ANK3: variants seen among roughly 807,000 people sequenced by gnomAD.
ANK3 encodes the protein ankyrin 3.
Under a neutral mutation model 370.9 loss-of-function variants are expected in ANK3, and 57 were observed. That is an observed-to-expected ratio of 0.15 (90% CI 0.12 to 0.19). The LOEUF (loss-of-function observed/expected upper bound fraction) is 0.19. Among genes scored for constraint, ANK3 ranks in the 10% least tolerant of loss-of-function variants. ANK3 has a pLI of 1.00. For missense variants in ANK3, 4,439 were observed against 5,302.1 expected, an observed-to-expected ratio of 0.84 and a Z score of 5.06; for synonymous variants, 1,929 against 1,946.3, an observed-to-expected ratio of 0.99 and a Z score of 0.23.
chr10:60,192,935 G>A (rs1358969644), intron 16 of ANK3, among the ~76,000 whole-genome samples: 2 of 151,384 alleles, frequency 1.3e-5, no homozygotes, highest in Non-Finnish European at 2.9e-5. Flanking sequence ...GAAAATGGAG[G>A]CTCATCAATT....
intron 2 of ANK3, among the ~76,000 whole-genome samples, chr10:60,425,990 G>A (rs2063878165): frequency 6.6e-6 from 1 of 152,020 alleles, no homozygotes; most frequent in Admixed American, 6.6e-5. Context: ...TTATATCTCA[G>A]GTTTGGAAAG....
chr10:60,153,927 C>G (rs2095243235), intron 23 of ANK3, among the ~76,000 whole-genome samples: 1 of 152,142 alleles, frequency 6.6e-6, no homozygotes, highest in Admixed American at 6.5e-5. Flanking sequence ...ATCTCAGAAA[C>G]CTGCTAAACT....
intron 2 of ANK3, among the ~76,000 whole-genome samples, chr10:60,466,333 G>C (rs1351285222): frequency 6.6e-6 from 1 of 152,126 alleles, no homozygotes; most frequent in Admixed American, 6.6e-5. Flanking sequence ...ACAAGGAAAA[G>C]AAAGAGACAT....
At chr10:60,132,938 T>G (rs2094166666) in intron 25 of ANK3, among the ~76,000 whole-genome samples, 1 of 152,060 alleles carries the variant, frequency 6.6e-6, no homozygotes, top group Non-Finnish European at 1.5e-5. Context: ...TAATAGAGTT[T>G]TTTTGTCTGA....
chr10:60,520,961 T>C (rs542294370), intron 2 of ANK3, among the ~76,000 whole-genome samples: 3 of 152,144 alleles, frequency 2.0e-5, no homozygotes, highest in Non-Finnish European at 2.9e-5. Context: ...ATTTGATTCA[T>C]AGACTAGCTC....
At chr10:60,620,823 C>T (rs1403161024) in intron 1 of ANK3, among the ~76,000 whole-genome samples, 1 of 151,994 alleles carries the variant, frequency 6.6e-6, no homozygotes, top group African/African-American at 2.4e-5. Flanking sequence ...AAAATGGATA[C>T]CTTCTCTAAT....
chr10:60,731,146 C>A (rs549678854), intron 1 of ANK3, among the ~76,000 whole-genome samples: 2 of 152,026 alleles, frequency 1.3e-5, no homozygotes, highest in Non-Finnish European at 2.9e-5. Context: ...GAGTCCATAA[C>A]AATTATATTC....
At chr10:60,687,719 T>C (rs974459762) in intron 1 of ANK3, among the ~76,000 whole-genome samples, 2 of 152,214 alleles carry the variant, frequency 1.3e-5, no homozygotes, top group Non-Finnish European at 2.9e-5. Context: ...TGGGTATTTA[T>C]CCAAAAGAAT....
intron 23 of ANK3, among the ~76,000 whole-genome samples, chr10:60,161,759 G>A (rs913228374): frequency 1.3e-5 from 2 of 152,134 alleles, no homozygotes; most frequent in Non-Finnish European, 2.9e-5. Flanking sequence ...ATAAAGAGGG[G>A]ATGGTTAATT....
chr10:60,398,804 G>A (rs2063295760), intron 2 of ANK3, among the ~76,000 whole-genome samples: 1 of 152,114 alleles, frequency 6.6e-6, no homozygotes, highest in African/African-American at 2.4e-5. Flanking sequence ...TCACTCAATG[G>A]TCATCTTCCC....
rs1299857517 is a variant in ANK3 at position 60,076,079 on chromosome 10, C to G, written c.4802G>C (p.Arg1601Thr). 2 of 1,614,186 alleles carry G rather than the reference C, an allele frequency of 1.2e-6. No individual in the cohort carries two copies. Among genetic ancestry groups the G allele is most frequent in the Middle Eastern group, 1.6e-4 (1 of 6,062 alleles). ...CGTAGCTTCCGTGACTGCTGGAGCT[C>G]TAGCCAGGGTACCAGAGGAAACTTG... ...NIQVSSGTLA[R>T]APAVTEATPL... The change falls in exon 37 of 44, where the codon AGA (arginine) becomes ACA (threonine). Residue 1601 changes from arginine (R) to threonine (T), a missense_variant. Transcript: ENST00000280772.
chr10:60,529,453 T>G (rs2076553810), intron 2 of ANK3, among the ~76,000 whole-genome samples: 1 of 152,164 alleles, frequency 6.6e-6, no homozygotes, highest in Non-Finnish European at 1.5e-5. Flanking sequence ...AGAAGTTTAG[T>G]CAATACAATT....
chr10:60,147,971 T>C (rs2094914885), intron 23 of ANK3, among the ~76,000 whole-genome samples: 1 of 152,110 alleles, frequency 6.6e-6, no homozygotes. Context: ...GTTGAGAAAA[T>C]AGTTAAATAA....
At chr10:60,428,564 C>T (rs2063942513) in intron 2 of ANK3, among the ~76,000 whole-genome samples, 1 of 152,172 alleles carries the variant, frequency 6.6e-6, no homozygotes, top group Non-Finnish European at 1.5e-5. Context: ...AGGCAGACGC[C>T]ACAGCCCTGA....
chr10:60,300,081 T>G (rs1022602866), intron 1 of ANK3, among the ~76,000 whole-genome samples: 4 of 152,188 alleles, frequency 2.6e-5, no homozygotes, highest in African/African-American at 9.7e-5. Flanking sequence ...AAGGCAGGCC[T>G]TAGCTGAACT....
chr10:60,585,752 A>T (rs2077821741), intron 2 of ANK3, among the ~76,000 whole-genome samples: 3 of 152,164 alleles, frequency 2.0e-5, no homozygotes, highest in Admixed American at 1.3e-4. Context: ...GGCTGGGTGC[A>T]GTGGCTCACG....
At chr10:60,444,630 T>G (rs577737492) in intron 2 of ANK3, among the ~76,000 whole-genome samples, 1 of 152,264 alleles carries the variant, frequency 6.6e-6, no homozygotes, top group South Asian at 2.1e-4. Context: ...CCACAGTGTT[T>G]GGAATTTTAA....
intron 1 of ANK3, among the ~76,000 whole-genome samples, chr10:60,348,347 C>T (rs1312561186): frequency 8.8e-5 from 6 of 68,172 alleles, no homozygotes; most frequent in Admixed American, 8.8e-4. Flanking sequence ...TATCACTAGC[C>T]AAAAAAAAAA....
chr10:60,302,447 TATA>T (rs1384849321), intron 1 of ANK3, among the ~76,000 whole-genome samples: 1 of 152,158 alleles, frequency 6.6e-6, no homozygotes, highest in Non-Finnish European at 1.5e-5. Context: ...TATCAGATAT[TATA>T]ATAACATTTA....
Sources: gnomAD v4.1 joint callset for allele counts (sites outside exome capture counted in the v4.1 genomes callset) on GRCh38, gnomAD v4.1.1 for gene constraint, MANE v1.5 for transcripts, NCBI Gene and HGNC (gene_info 2026-07-23, HGNC 2026-07-21) for gene names.